SLC10A7: variants seen among roughly 807,000 people sequenced by gnomAD.
The protein encoded by SLC10A7 is sodium/bile acid cotransporter 7.
Under a neutral mutation model 43.2 loss-of-function variants are expected in SLC10A7, and 29 were observed. The observed-to-expected ratio is 0.67, with a 90% CI of 0.50 to 0.92. The LOEUF (loss-of-function observed/expected upper bound fraction) is 0.92. Ranked by LOEUF, SLC10A7 falls within the 40% of genes least tolerant of loss-of-function variation. The pLI, the probability that SLC10A7 is intolerant of heterozygous loss-of-function variation, is 0.00. For missense variants in SLC10A7, 295 were observed against 403.2 expected (o/e 0.73, Z 2.30); for synonymous variants, 152 against 144.8 (o/e 1.05, Z -0.35).
At chr4:146,363,038 G>A (rs1419756882) in intron 5 of SLC10A7, among the ~76,000 whole-genome samples, 1 of 151,984 alleles carries the variant, frequency 6.6e-6, no homozygotes, top group Non-Finnish European at 1.5e-5. Flanking sequence ...GAATGTAAAC[G>A]GACCAAATTC....
chr4:146,512,371 C>T (rs1225799437), intron 2 of SLC10A7, among the ~76,000 whole-genome samples: 1 of 152,030 alleles, frequency 6.6e-6, no homozygotes, highest in East Asian at 1.9e-4. Context: ...TTCTTGGACC[C>T]CAGAATTTTA....
intron 5 of SLC10A7, among the ~76,000 whole-genome samples, chr4:146,327,654 C>T (rs1733229853): frequency 6.6e-6 from 1 of 152,222 alleles, no homozygotes; most frequent in Admixed American, 6.5e-5. Context: ...AGAGTAAGTA[C>T]AACATGGTCC....
intron 4 of SLC10A7, among the ~76,000 whole-genome samples, chr4:146,485,092 G>A (rs1485734540): frequency 6.6e-6 from 1 of 152,144 alleles, no homozygotes; most frequent in Non-Finnish European, 1.5e-5. Flanking sequence ...TGTAGGAAAA[G>A]AAGCAAAACA....
chr4:146,504,296 G>T (rs915581271), intron 3 of SLC10A7, among the ~76,000 whole-genome samples: 34 of 152,272 alleles, frequency 2.2e-4, no homozygotes, highest in African/African-American at 7.9e-4. Flanking sequence ...GAGATGGGCA[G>T]ATCACGAGGT....
Position 146,509,294 on chromosome 4 carries a change from G to A in SLC10A7, c.320+619C>T, listed in dbSNP as rs566282070. Among the ~76,000 whole-genome samples the A allele has an allele frequency of 4.6e-5, 7 of 152,230 alleles. No individual in the cohort carries two copies. In the East Asian group the frequency reaches 1.4e-3, roughly 29 times the overall value. On this transcript the variant is annotated intron_variant, in intron 3 of 11. Coordinates refer to ENST00000335472, the MANE Select transcript of SLC10A7 (RefSeq NM_001029998.6). The stretch of plus-strand genomic sequence containing the variant: ...AAAGTAGAAGCTAAATAAATAACTT[G>A]AATCAATGAATATGCAATTTCAATT...
intron 10 of SLC10A7, 35 bp downstream of exon 10, chr4:146,283,157 G>T (rs1323276394): frequency 6.7e-7 from 1 of 1,489,738 alleles, no homozygotes; most frequent in Non-Finnish European, 9.4e-7. Flanking sequence ...CTATATGAGG[G>T]TAATAGGTGG....
In SLC10A7 at chr4:146,521,758, T is replaced by C; in HGVS notation, c.-41A>G. 1 of 1,553,862 alleles carries C rather than the reference T, an allele frequency of 6.4e-7. No individual in the cohort carries two copies. The highest frequency in any genetic ancestry group is 8.9e-7 in the Non-Finnish European group (1 of 1,126,074). The stretch of plus-strand genomic sequence containing the variant: ...TGGGTTTTGTTTATTTGTTTGGCTT[T>C]TTTTCTTTTCAAGCTCCGATCACCT... On this transcript the variant is annotated 5_prime_UTR_variant, in exon 1 of 12. Transcript: ENST00000335472.
chr4:146,265,338 C>T (rs1294877644), intron 10 of SLC10A7, among the ~76,000 whole-genome samples: 1 of 152,208 alleles, frequency 6.6e-6, no homozygotes, highest in African/African-American at 2.4e-5. Flanking sequence ...TTTCACTTGC[C>T]AATTGCTATC....
chr4:146,290,323 C>CA (rs752381573), intron 9 of SLC10A7, among the ~76,000 whole-genome samples: 4,855 of 40,706 alleles, frequency 0.12, 492 homozygotes, highest in South Asian at 0.28. Flanking sequence ...GACTCCATCT[C>CA]AAAAAAGAAA....
At chr4:146,263,133 C>G (rs1040799250) in intron 10 of SLC10A7, among the ~76,000 whole-genome samples, 3 of 152,218 alleles carry the variant, frequency 2.0e-5, no homozygotes, top group African/African-American at 7.2e-5. Flanking sequence ...CCATTCATGA[C>G]CCACCCAACT....
intron 5 of SLC10A7, among the ~76,000 whole-genome samples, chr4:146,416,147 G>A (rs115186365): frequency 4.9e-4 from 75 of 152,282 alleles, no homozygotes; most frequent in Non-Finnish European, 8.4e-4. Context: ...CAAGGGAGAT[G>A]CCAGAAATTA....
rs1415098145 is a variant in SLC10A7, at chr4:146,255,304, G to A, written c.*1187C>T. ...CTCATTTGAAAGCTGCTGCCCCGTT[G>A]GGAACTAATTTTACTTGATATTTTG... On this transcript the variant is annotated 3_prime_UTR_variant, in exon 12 of 12. Coordinates refer to ENST00000335472, the MANE Select transcript of SLC10A7 (RefSeq NM_001029998.6). 1 of 152,568 alleles carries A rather than the reference G, an allele frequency of 6.6e-6. No individual in the cohort carries two copies. The highest frequency in any genetic ancestry group is 1.5e-5 in the Non-Finnish European group (1 of 68,026). 9.5% of individuals were successfully genotyped at this position (152,568 alleles called of 1,614,324 possible). A position where few individuals can be genotyped will look rare whatever the true frequency, so the allele number is the denominator to read the frequency against.
At position 146,503,889 on chromosome 4, in the gene SLC10A7, G is replaced by T. The variant is rs1254438962; in HGVS notation, c.356C>A (p.Ser119Tyr). 1 of 1,614,190 alleles carries T rather than the reference G, an allele frequency of 6.2e-7. No homozygotes were observed. The highest frequency in any genetic ancestry group is 8.5e-7 in the Non-Finnish European group (1 of 1,180,024). Residue 119 changes from serine to tyrosine, a missense_variant, in exon 4 of 12, where the codon TCT (serine) becomes TAT (tyrosine). Physicochemically the swap from Ser to Tyr is moderately radical, Grantham distance 144. Around this residue, in one of 2 missense-constraint regions of SLC10A7, gnomAD observed 242 missense variants for 362.5 expected, o/e 0.67. Transcript: ENST00000335472. ...TGCCTTGGTTAAAATCACTGCAGAA[G>T]ACACAGGCGGAGGCATGCAACCTAC... ...QTVGCMPPPV[S>Y]SAVILTKAVG... is the part of the protein sequence containing the mutation.
chr4:146,472,118 T>A (rs550166084), intron 4 of SLC10A7, among the ~76,000 whole-genome samples: 3 of 152,280 alleles, frequency 2.0e-5, no homozygotes, highest in African/African-American at 7.2e-5. Context: ...TATAGTGGAA[T>A]AACTGAGGGA....
At position 146,447,227 on chromosome 4, in the gene SLC10A7, A is replaced by G. The variant is rs138766062; in HGVS notation, c.397-4406T>C. Among the ~76,000 whole-genome samples the G allele has an allele frequency of 2.4e-3, 359 of 152,298 alleles. 3 individuals are homozygous for G. Among genetic ancestry groups the G allele is most frequent in the African/African-American group, 8.2e-3 (342 of 41,568 alleles). ...GATTGGGCAAGTTCAGAGCAGTATG[A>G]CTGTAAACCATAAATGACCAAAAAT... On this transcript the variant is annotated intron_variant, in intron 4 of 11. Coordinates refer to ENST00000335472, the MANE Select transcript of SLC10A7 (RefSeq NM_001029998.6).
At chr4:146,334,499 C>A (rs1313180264) in intron 5 of SLC10A7, among the ~76,000 whole-genome samples, 2 of 151,898 alleles carry the variant, frequency 1.3e-5, no homozygotes, top group African/African-American at 2.4e-5. Context: ...ACAACAGCAG[C>A]AATGTAAGAA....
At chr4:146,501,458 C>T (rs577306748) in intron 4 of SLC10A7, among the ~76,000 whole-genome samples, 3 of 152,254 alleles carry the variant, frequency 2.0e-5, no homozygotes, top group Non-Finnish European at 2.9e-5. Flanking sequence ...TTAATGTGAG[C>T]AGAAGTGCCA....
At chr4:146,378,261 CTGCCTAG>C (rs1445544658) in intron 5 of SLC10A7, among the ~76,000 whole-genome samples, 1 of 152,220 alleles carries the variant, frequency 6.6e-6, no homozygotes, top group Non-Finnish European at 1.5e-5. Flanking sequence ...AACAGTTCAT[CTGCCTAG>C]CTATAGAGAA....
intron 5 of SLC10A7, among the ~76,000 whole-genome samples, chr4:146,380,195 C>T (rs1476946127): frequency 6.6e-6 from 1 of 152,102 alleles, no homozygotes; most frequent in Non-Finnish European, 1.5e-5. Flanking sequence ...GATCAATCTA[C>T]AACCCTATCA....
Sources: gnomAD v4.1 joint callset for allele counts (sites outside exome capture counted in the v4.1 genomes callset) on GRCh38, gnomAD v4.1.1 for gene constraint, gnomAD v4.1.1 regional missense constraint, MANE v1.5 for transcripts, NCBI Gene and HGNC (gene_info 2026-07-23, HGNC 2026-07-21) for gene names.